UTRN: variants seen among roughly 807,000 people sequenced by gnomAD.
UTRN encodes utrophin.
A neutral mutation model predicts 463.9 loss-of-function variants in UTRN; 283 were observed. That is an observed-to-expected ratio of 0.61 (90% CI 0.55 to 0.67). UTRN has a LOEUF of 0.67. Ranked by LOEUF, UTRN falls within the 30% of genes least tolerant of loss-of-function variation. The pLI, the probability that UTRN is intolerant of heterozygous loss-of-function variation, is 0.00. For missense variants in UTRN, 3,922 were observed against 4,084.3 expected (o/e 0.96, Z 1.08); for synonymous variants, 1,442 against 1,431.5 (o/e 1.01, Z -0.17).
At chr6:144,432,347 A>G (rs1419920459) in intron 9 of UTRN, among the ~76,000 whole-genome samples, 1 of 151,228 alleles carries the variant, frequency 6.6e-6, no homozygotes. Flanking sequence ...TCAAAATACA[A>G]CTCTCTGTCT....
intron 60 of UTRN, among the ~76,000 whole-genome samples, chr6:144,778,624 T>C (rs1775546673): frequency 6.6e-6 from 1 of 150,970 alleles, no homozygotes; most frequent in Non-Finnish European, 1.5e-5. Context: ...ATAATAATAA[T>C]AATAATAAAA....
intron 53 of UTRN, among the ~76,000 whole-genome samples, chr6:144,727,926 C>A (rs1027042552): frequency 4.0e-5 from 6 of 151,844 alleles, no homozygotes; most frequent in African/African-American, 1.2e-4. Flanking sequence ...ATGGTAAAAT[C>A]CCATCTCTAT....
At chr6:144,425,172 T>A (rs1785183752) in intron 6 of UTRN, among the ~76,000 whole-genome samples, 1 of 152,188 alleles carries the variant, frequency 6.6e-6, no homozygotes, top group Non-Finnish European at 1.5e-5. Context: ...GCTGGCTAGT[T>A]ATTTTGTAGA....
At chr6:144,617,120 T>C (rs1806207284) in intron 51 of UTRN, among the ~76,000 whole-genome samples, 1 of 152,178 alleles carries the variant, frequency 6.6e-6, no homozygotes, top group East Asian at 1.9e-4. Flanking sequence ...TATCAGTGGA[T>C]AATTTTCATT....
intron 58 of UTRN, among the ~76,000 whole-genome samples, chr6:144,768,947 TGTTTTG>T (rs1586475728): frequency 3.4e-4 from 43 of 127,770 alleles, no homozygotes; most frequent in East Asian, 2.1e-3. Context: ...CTTTGTTTTT[TGTTTTG>T]TTTTGTTTTT....
At chr6:144,683,256 C>T (rs1275069179) in intron 52 of UTRN, among the ~76,000 whole-genome samples, 1 of 152,164 alleles carries the variant, frequency 6.6e-6, no homozygotes, top group Non-Finnish European at 1.5e-5. Flanking sequence ...GAAAAGAACT[C>T]AGTATCTTCA....
rs141926761 is a variant in UTRN at position 144,727,568 on chromosome 6, C to A, written c.7810-2789C>A. On this transcript the variant is annotated intron_variant, in intron 53 of 74. Coordinates refer to ENST00000367545, the MANE Select transcript of UTRN (RefSeq NM_007124.3). ...GGTCAGGAGATCGAGACCATCCTGG[C>A]TAACACAGTGAAATGCCATCTCTAC... is the stretch of plus-strand genomic sequence containing the variant. Among the ~76,000 whole-genome samples, 12 of 152,040 alleles carry A rather than the reference C, an allele frequency of 7.9e-5. No homozygotes were observed. The South Asian group carries it at 1.7e-3, about 21-fold the overall frequency.
chr6:144,433,427 G>C (rs1391216954), intron 9 of UTRN, among the ~76,000 whole-genome samples: 1 of 151,824 alleles, frequency 6.6e-6, no homozygotes, highest in Non-Finnish European at 1.5e-5. Flanking sequence ...CTTCCCAGAC[G>C]GGGTGGCTGC....
intron 58 of UTRN, among the ~76,000 whole-genome samples, chr6:144,758,806 G>C (rs1792304968): frequency 1.3e-5 from 2 of 152,044 alleles, no homozygotes; most frequent in Admixed American, 1.3e-4. Context: ...TTATGTGTCA[G>C]ACGAACAGCA....
At chr6:144,628,991 T>C (rs1776231149) in intron 51 of UTRN, among the ~76,000 whole-genome samples, 1 of 152,190 alleles carries the variant, frequency 6.6e-6, no homozygotes, top group Admixed American at 6.5e-5. Context: ...TTAAATTTGA[T>C]TAATGATTAC....
intron 2 of UTRN, among the ~76,000 whole-genome samples, chr6:144,328,818 C>T (rs1269249286): frequency 6.6e-6 from 1 of 151,934 alleles, no homozygotes; most frequent in Non-Finnish European, 1.5e-5. Flanking sequence ...AAGTCTCACT[C>T]TGTTGCCCAG....
chr6:144,574,779 A>G (rs1801275761), intron 50 of UTRN, among the ~76,000 whole-genome samples: 1 of 152,124 alleles, frequency 6.6e-6, no homozygotes, highest in Non-Finnish European at 1.5e-5. Flanking sequence ...AAGGAATTTC[A>G]CTATGTTGTC....
At chr6:144,557,073 A>C in intron 49 of UTRN, 84 bp from the exon 50 acceptor site, 1 of 1,493,894 alleles carries the variant, frequency 6.7e-7, no homozygotes, top group African/African-American at 1.4e-5. Context: ...AAGCATGTCA[A>C]AATCTGCTGG....
At chr6:144,639,145 C>T (rs1777511517) in intron 51 of UTRN, among the ~76,000 whole-genome samples, 1 of 152,122 alleles carries the variant, frequency 6.6e-6, no homozygotes, top group African/African-American at 2.4e-5. Context: ...ACAGCATGGG[C>T]ATTGCCAAGA....
chr6:144,337,327 C>G (rs1776815493), intron 2 of UTRN, among the ~76,000 whole-genome samples: 1 of 152,206 alleles, frequency 6.6e-6, no homozygotes, highest in Admixed American at 6.5e-5. Flanking sequence ...CTGTGTGCCC[C>G]TATTACTACC....
At chr6:144,533,892 C>T (rs1413573487) in intron 43 of UTRN, among the ~76,000 whole-genome samples, 2 of 152,020 alleles carry the variant, frequency 1.3e-5, no homozygotes, top group African/African-American at 4.8e-5. Flanking sequence ...TTTTCTGAGA[C>T]AGTCAAGATT....
rs1786704105 is a variant in UTRN at position 144,437,648 on chromosome 6, T to A, written c.1143T>A (p.Thr381=). 1 of 1,613,988 alleles carries A rather than the reference T, an allele frequency of 6.2e-7. No individual in the cohort carries two copies. The highest frequency in any genetic ancestry group is 1.7e-5 in the Admixed American group (1 of 59,990). ...QAGNQLITQG[T]LSDEEEFEIQ... ...GCAACCAACTGATAACACAAGGAACTCTGTCAGACGAAGAAGAATTTGAGA... is the reference window on the plus strand; with the variant it reads ...GCAACCAACTGATAACACAAGGAACACTGTCAGACGAAGAAGAATTTGAGA... The change falls in exon 11 of 75, where the codon ACT becomes ACA. Residue 381 remains threonine (T), a synonymous_variant. Transcript: ENST00000367545.
At chr6:144,609,870 C>T (rs1805289404) in intron 51 of UTRN, among the ~76,000 whole-genome samples, 1 of 151,882 alleles carries the variant, frequency 6.6e-6, no homozygotes, top group Non-Finnish European at 1.5e-5. Context: ...TTTTAAAATG[C>T]CTTCAGACAA....
At chr6:144,731,902 C>A (rs936340691) in intron 54 of UTRN, among the ~76,000 whole-genome samples, 3 of 151,980 alleles carry the variant, frequency 2.0e-5, no homozygotes, top group African/African-American at 7.2e-5. Flanking sequence ...CACTCTACCA[C>A]CTAGGCTGGA....
Sources: allele counts gnomAD v4.1 joint callset (sites outside exome capture counted in the v4.1 genomes callset), GRCh38; gene constraint gnomAD v4.1.1; transcripts MANE v1.5; gene names NCBI Gene and HGNC (gene_info 2026-07-23, HGNC 2026-07-21).